Variants in MTOR observed in about 807,000 individuals in gnomAD.
MTOR encodes the protein serine/threonine-protein kinase mTOR.
Under a neutral mutation model 319.8 loss-of-function variants are expected in MTOR, and 70 were observed. That is an observed-to-expected ratio of 0.22 (90% CI 0.18 to 0.27). The LOEUF is 0.27. Among genes scored for constraint, MTOR ranks in the 10% least tolerant of loss-of-function variants. The pLI is 1.00. For synonymous variants in MTOR, 1,183 were observed against 1,211.4 expected, an observed-to-expected ratio of 0.98 and a Z score of 0.49; for missense variants, 1,890 against 3,274.4, an observed-to-expected ratio of 0.58 and a Z score of 10.32.
At chr1:11,231,087 A>G in intron 17 of MTOR, 33 bp from the exon 18 acceptor site, 2 of 1,614,036 alleles carry the variant, frequency 1.2e-6, no homozygotes, top group African/African-American at 2.7e-5. Context: ...AAAAGAAAAC[A>G]TTCATCACAA....
intron 28 of MTOR, among the ~76,000 whole-genome samples, chr1:11,179,548 C>G (rs1377310389): frequency 6.6e-6 from 1 of 152,204 alleles, no homozygotes; most frequent in Non-Finnish European, 1.5e-5. Flanking sequence ...TTAGGAGAAA[C>G]CCCAGAACTC....
Position 11,130,621 on chromosome 1 carries a change from T to G in MTOR, c.5521A>C (p.Thr1841Pro), listed in dbSNP as rs1643095412. ...CTGTTGCTGCCCTCGGTGCTGGCAG[T>G]GGTGGTGGCAGTGGCGGCCGTGGTG... ...AATTAATATT[T>P]ASTEGSNSES... The change falls in exon 39 of 58, where the codon ACT becomes CCT. Residue 1841 changes from threonine to proline, a missense_variant. Coordinates refer to ENST00000361445, the MANE Select transcript of MTOR (RefSeq NM_004958.4). 6.2e-7 allele frequency: 1 copy of G among 1,613,628 alleles called. No homozygotes were observed. The highest frequency in any genetic ancestry group is 8.5e-7 in the Non-Finnish European group (1 of 1,179,734).
At chr1:11,202,820 A>T (rs1462446146) in intron 26 of MTOR, among the ~76,000 whole-genome samples, 1 of 152,054 alleles carries the variant, frequency 6.6e-6, no homozygotes, top group Non-Finnish European at 1.5e-5. Context: ...ACGTGGGAGG[A>T]TCACTTGAGC....
chr1:11,190,209 A>C (rs976118256), intron 28 of MTOR, among the ~76,000 whole-genome samples: 1 of 152,234 alleles, frequency 6.6e-6, no homozygotes, highest in African/African-American at 2.4e-5. Flanking sequence ...TGGTTTGCCC[A>C]AAGTCACCCA....
chr1:11,212,204 C>T lies in MTOR; in HGVS notation c.3561+108G>A, dbSNP rs193236546. Reference sequence around the variant, plus strand: ...AAAAGAAAAAAAGCAAGTAATTCCACGTTCTCTGATGGTGGCTGGCATCAG... The same window carrying T: ...AAAAGAAAAAAAGCAAGTAATTCCATGTTCTCTGATGGTGGCTGGCATCAG... On this transcript the variant is annotated intron_variant, in intron 23 of 57. Transcript: ENST00000361445. This position sits in a 1 kb window ranked among gnomAD's most constrained non-coding sequence, Gnocchi z 4.1. 2,750 of 1,375,638 alleles carry T rather than the reference C, an allele frequency of 2.0e-3. 41 individuals carry two copies. In the Admixed American group the frequency reaches 0.038, roughly 19 times the overall value. The allele number at this position is 1,375,638 out of a possible 1,614,324, so 85.2% of individuals were successfully genotyped here.
chr1:11,255,819 C>T (rs965934443), intron 5 of MTOR, among the ~76,000 whole-genome samples, 173 bp downstream of exon 5: 14 of 148,738 alleles, frequency 9.4e-5, no homozygotes, highest in African/African-American at 3.2e-4. Context: ...TGCACTCCAG[C>T]CTGGGCGACA....
intron 13 of MTOR, 124 bp downstream of exon 13, chr1:11,237,719 C>G: frequency 1.0e-6 from 1 of 999,070 alleles, no homozygotes. Flanking sequence ...CAGACAAATG[C>G]GGCTTTTACC....
intron 6 of MTOR, among the ~76,000 whole-genome samples, chr1:11,251,081 A>C (rs1649605390): frequency 6.6e-6 from 1 of 152,146 alleles, no homozygotes; most frequent in Non-Finnish European, 1.5e-5. Flanking sequence ...ATCCTTTTGA[A>C]ATATGAGTTA....
rs758717786 is a variant in MTOR, at chr1:11,144,772, G to A, written c.4765-17C>T. ...AACCATGGCCTGATGGAAGCAAATC[G>A]CATTCCAAACTAATTACTGCACGAA... On this transcript the variant is annotated splice_polypyrimidine_tract_variant and intron_variant, in intron 33 of 57. Coordinates refer to ENST00000361445, the MANE Select transcript of MTOR (RefSeq NM_004958.4). The A allele has an allele frequency of 5.0e-6, 8 of 1,606,136 alleles. No homozygotes were observed. In the South Asian group the frequency reaches 5.5e-5, roughly 11 times the overall value.
rs994046968 is a variant in MTOR, at chr1:11,233,105, G to A, written c.2421+293C>T. The A allele has an allele frequency of 1.0e-4, 114 of 1,135,590 alleles. No homozygotes were observed. The African/African-American group carries it at 1.6e-3, about 16-fold the overall frequency. The allele number at this position is 1,135,590 out of a possible 1,614,324, so 70.3% of individuals were successfully genotyped here. A position where few individuals can be genotyped will look rare whatever the true frequency, so the allele number is the denominator to read the frequency against. ...AAAAAAGACACTGGAGAAGAACCAA[G>A]CAGGGTCTATAAGGAATTGCACATG... is the stretch of plus-strand genomic sequence containing the variant. On this transcript the variant is annotated intron_variant, in intron 15 of 57. Coordinates refer to ENST00000361445, the MANE Select transcript of MTOR (RefSeq NM_004958.4).
Position 11,238,479 on chromosome 1 carries a change from T to C in MTOR, c.1925A>G (p.His642Arg), listed in dbSNP as rs891612995. 1.9e-6 allele frequency: 3 copies of C among 1,613,800 alleles called. No individual in the cohort carries two copies. Among genetic ancestry groups the C allele is most frequent in the Admixed American group, 1.7e-5 (1 of 60,020 alleles). The change falls in exon 12 of 58, where the codon CAT (histidine) becomes CGT (arginine). Residue 642 changes from histidine (H) to arginine (R), a missense_variant. His to Arg is a conservative substitution (Grantham distance 29). Around this residue, in one of 15 missense-constraint regions of MTOR, gnomAD observed 418 missense variants for 543.1 expected, o/e 0.77. Transcript: ENST00000361445. The stretch of plus-strand genomic sequence containing the variant: ...TTGCACTGCGGTCTGGCTAACCACA[T>C]GAGCATGGCCACTGATGAGGTGGAT... ...PSIHLISGHA[H>R]VVSQTAVQVV...
rs1472367014 is a variant in MTOR, at chr1:11,199,054, A to C, written c.4253+204T>G. On this transcript the variant is annotated intron_variant, in intron 28 of 57. Transcript: ENST00000361445. This position sits in a 1 kb window ranked among gnomAD's most constrained non-coding sequence, Gnocchi z 4.5. ...GAAAACAACAGGAGCCCAGGTGATA[A>C]GGGTCAACAGAAATGACAATCATGG... Among the ~76,000 whole-genome samples, 1 of 152,216 alleles carries C rather than the reference A, an allele frequency of 6.6e-6. No homozygotes were observed. The highest frequency in any genetic ancestry group is 3.2e-3 in the Middle Eastern group (1 of 316).
At chr1:11,126,241 A>G (rs1348318620) in intron 46 of MTOR, among the ~76,000 whole-genome samples, 2 of 151,708 alleles carry the variant, frequency 1.3e-5, no homozygotes, top group Non-Finnish European at 2.9e-5. Flanking sequence ...TGGTAAAAAA[A>G]AAAAGAAAAA....
chr1:11,237,043 A>G (rs1179865223), intron 13 of MTOR, among the ~76,000 whole-genome samples: 2 of 152,206 alleles, frequency 1.3e-5, no homozygotes, highest in African/African-American at 4.8e-5. Context: ...ATGATTTTCT[A>G]TGTTTAAGTT....
chr1:11,179,846 A>G (rs1645091030), intron 28 of MTOR, among the ~76,000 whole-genome samples: 1 of 152,230 alleles, frequency 6.6e-6, no homozygotes. Flanking sequence ...TTTTCTACAA[A>G]GGACACAGAT....
intron 28 of MTOR, among the ~76,000 whole-genome samples, chr1:11,190,861 G>A (rs879409398): frequency 1.3e-4 from 20 of 152,180 alleles, no homozygotes; most frequent in Non-Finnish European, 2.5e-4. Flanking sequence ...GACATGATCA[G>A]CTTCTACTGA....
At chr1:11,240,013 A>G (rs1647792577) in intron 11 of MTOR, among the ~76,000 whole-genome samples, 1 of 152,236 alleles carries the variant, frequency 6.6e-6, no homozygotes, top group Admixed American at 6.5e-5. Context: ...TCAGCTACAA[A>G]GAAGTGGAAA....
At chr1:11,236,137 CTTT>C (rs1224891837) in intron 13 of MTOR, among the ~76,000 whole-genome samples, 23 of 138,322 alleles carry the variant, frequency 1.7e-4, no homozygotes, top group Non-Finnish European at 1.3e-4. Context: ...TTATTTTTTC[CTTT>C]TTTTTTTTTT....
At chr1:11,125,243 T>C (rs963986171) in intron 46 of MTOR, among the ~76,000 whole-genome samples, 1 of 152,124 alleles carries the variant, frequency 6.6e-6, no homozygotes, top group African/African-American at 2.4e-5. Context: ...CCTTGTTGAT[T>C]CTCTTAGCTT....
Sources: allele counts gnomAD v4.1 joint callset (sites outside exome capture counted in the v4.1 genomes callset), GRCh38; gene constraint gnomAD v4.1.1; regional missense constraint gnomAD v4.1.1; non-coding constraint Gnocchi (gnomAD v3.1); transcripts MANE v1.5; gene names NCBI Gene and HGNC (gene_info 2026-07-23, HGNC 2026-07-21).